Variants in PRELID2 observed in about 807,000 individuals in gnomAD.
The protein encoded by PRELID2 is PRELI domain containing 2.
Under a neutral mutation model 28.4 loss-of-function variants are expected in PRELID2, and 25 were observed. The observed-to-expected ratio is 0.88, with a 90% CI of 0.64 to 1.23. The LOEUF is 1.23. Ranked by LOEUF, PRELID2 falls within the 50% of genes most tolerant of loss-of-function variation. PRELID2 has a pLI of 0.00. For missense variants in PRELID2, 201 were observed against 214.4 expected, an observed-to-expected ratio of 0.94 and a Z score of 0.39; for synonymous variants, 76 against 71.6, an observed-to-expected ratio of 1.06 and a Z score of -0.31.
the PRELID2 span, among the ~76,000 whole-genome samples, chr5:145,299,587 T>C: frequency 1.4e-4 from 22 of 151,908 alleles, no homozygotes; most frequent in South Asian, 2.1e-4. Flanking sequence ...TGAGTCCTGA[T>C]TGGACACAGG....
downstream of PRELID2, among the ~76,000 whole-genome samples, chr5:145,754,690 G>C (rs1393795158): frequency 6.6e-6 from 1 of 152,142 alleles, no homozygotes; most frequent in Non-Finnish European, 1.5e-5. Flanking sequence ...GGTGAAGCTT[G>C]GGATGAATGA....
chr5:145,796,405 T>C (rs1246735730), intron 5 of PRELID2, 37 bp downstream of exon 5: 5 of 1,428,060 alleles, frequency 3.5e-6, no homozygotes, highest in Non-Finnish European at 4.9e-6. Flanking sequence ...TATTGTTTTT[T>C]AAAATTAATG....
chr5:145,505,162 T>C (rs996536657), intron 1 of PRELID2, among the ~76,000 whole-genome samples: 2 of 152,130 alleles, frequency 1.3e-5, no homozygotes, highest in Non-Finnish European at 2.9e-5. Context: ...AAACATACAT[T>C]TTCTTCTCTG....
intron 1 of PRELID2, among the ~76,000 whole-genome samples, chr5:145,684,573 G>C (rs529048070): frequency 1.3e-5 from 2 of 152,304 alleles, no homozygotes; most frequent in African/African-American, 4.8e-5. Context: ...CCTCATAGTT[G>C]TTCTGTTATT....
chr5:145,262,230 T>C, the PRELID2 span, among the ~76,000 whole-genome samples: 1 of 151,916 alleles, frequency 6.6e-6, no homozygotes, highest in Non-Finnish European at 1.5e-5. Context: ...GAATAATTGG[T>C]GTTCTAAAAA....
chr5:145,406,958 G>A, the PRELID2 span, among the ~76,000 whole-genome samples: 1 of 152,142 alleles, frequency 6.6e-6, no homozygotes, highest in South Asian at 2.1e-4. Flanking sequence ...AGCCATTCCT[G>A]GCCTTATCTC....
intron 1 of PRELID2, among the ~76,000 whole-genome samples, chr5:145,642,138 A>G (rs1754117717): frequency 4.6e-5 from 7 of 152,130 alleles, no homozygotes; most frequent in Admixed American, 4.6e-4. Flanking sequence ...CCAACAGTGT[A>G]AAAGTGTTCC....
downstream of PRELID2, among the ~76,000 whole-genome samples, chr5:145,753,765 A>G (rs1339555590): frequency 6.6e-6 from 1 of 152,140 alleles, no homozygotes; most frequent in East Asian, 1.9e-4. Context: ...GTGTTTTTTA[A>G]AGTTCCCCAG....
the PRELID2 span, among the ~76,000 whole-genome samples, chr5:145,367,422 CA>C: frequency 6.6e-6 from 1 of 151,850 alleles, no homozygotes; most frequent in African/African-American, 2.4e-5. Context: ...AACAGCTATT[CA>C]TTTATTTCAA....
chr5:145,822,330 T>G (rs1476417607), intron 2 of PRELID2, among the ~76,000 whole-genome samples: 1 of 152,166 alleles, frequency 6.6e-6, no homozygotes, highest in Non-Finnish European at 1.5e-5. Flanking sequence ...AAACATTTTC[T>G]GCAAAGAATC....
the PRELID2 span, among the ~76,000 whole-genome samples, chr5:145,365,637 G>A: frequency 4.0e-5 from 6 of 151,790 alleles, no homozygotes; most frequent in African/African-American, 1.2e-4. Context: ...CAATTGGACC[G>A]GATAGAAACA....
the PRELID2 span, among the ~76,000 whole-genome samples, chr5:145,380,328 G>A: frequency 6.6e-6 from 1 of 152,134 alleles, no homozygotes; most frequent in African/African-American, 2.4e-5. Flanking sequence ...CAGCTTTTGT[G>A]TCTTCCCTTT....
the PRELID2 span, among the ~76,000 whole-genome samples, chr5:145,409,170 G>C: frequency 6.6e-6 from 1 of 152,092 alleles, no homozygotes; most frequent in Admixed American, 6.5e-5. Context: ...AACAAATGCT[G>C]AGACAATATG....
intron 1 of PRELID2, among the ~76,000 whole-genome samples, chr5:145,632,652 A>G (rs1208522086): frequency 2.0e-5 from 3 of 152,162 alleles, no homozygotes; most frequent in Non-Finnish European, 4.4e-5. Flanking sequence ...AGCAGTTGTG[A>G]CTGGAAAAAT....
the PRELID2 span, among the ~76,000 whole-genome samples, chr5:145,362,509 T>C: frequency 6.6e-6 from 1 of 152,156 alleles, no homozygotes; most frequent in Non-Finnish European, 1.5e-5. Flanking sequence ...ATTTCACTCA[T>C]TTTTGTGTTG....
intron 5 of PRELID2, among the ~76,000 whole-genome samples, chr5:145,790,464 T>C (rs986270664): frequency 1.3e-5 from 2 of 152,022 alleles, no homozygotes; most frequent in Non-Finnish European, 2.9e-5. Flanking sequence ...ATGGTGGTTA[T>C]CTGAGGCTGG....
chr5:145,677,275 C>T, intron 1 of PRELID2, among the ~76,000 whole-genome samples: 1 of 151,140 alleles, frequency 6.6e-6, no homozygotes, highest in South Asian at 2.1e-4. Flanking sequence ...ATGCCTCAGC[C>T]TCCTGAGTCG....
intron 1 of PRELID2, among the ~76,000 whole-genome samples, chr5:145,745,150 C>A (rs1400339532): frequency 1.3e-5 from 2 of 151,496 alleles, no homozygotes; most frequent in African/African-American, 4.8e-5. Context: ...GGCATGCACA[C>A]AAAACTAGAG....
chr5:145,516,811 C>A (rs1367365965), intron 1 of PRELID2, among the ~76,000 whole-genome samples: 1 of 151,602 alleles, frequency 6.6e-6, no homozygotes, highest in African/African-American at 2.4e-5. Flanking sequence ...TGGAACAGAA[C>A]AGAGCACTCA....
Sources: allele counts gnomAD v4.1 joint callset (sites outside exome capture counted in the v4.1 genomes callset), GRCh38; gene constraint gnomAD v4.1.1; transcripts MANE v1.5; gene names NCBI Gene and HGNC (gene_info 2026-07-23, HGNC 2026-07-21).